The following ANKS1B variants were observed in gnomAD, a reference collection of about 807,000 sequenced individuals.
ANKS1B encodes ankyrin repeat and sterile alpha motif domain-containing protein 1B.
In ANKS1B, 36 loss-of-function variants were observed where a neutral mutation model predicts 148.3. The ratio of observed to expected loss-of-function variants is 0.24; its 90% CI spans 0.19 to 0.32. The LOEUF (loss-of-function observed/expected upper bound fraction) is 0.32, where lower values mean the gene tolerates loss of function less well. Ranked by LOEUF, ANKS1B falls within the 10% of genes least tolerant of loss-of-function variation. ANKS1B has a pLI of 1.00. For missense variants in ANKS1B, 1,157 were observed against 1,542.6 expected (o/e 0.75, Z 4.19); for synonymous variants, 542 against 560.8 (o/e 0.97, Z 0.47).
At chr12:99,905,997 A>G (rs1325950477) in intron 1 of ANKS1B, among the ~76,000 whole-genome samples, 1 of 152,200 alleles carries the variant, frequency 6.6e-6, no homozygotes, top group Admixed American at 6.5e-5. Context: ...AATCTTGAAG[A>G]GGTCATATAG....
At chr12:98,798,840 T>C (rs2098975629) in intron 22 of ANKS1B, 94 bp downstream of exon 22, 6 of 1,035,778 alleles carry the variant, frequency 5.8e-6, no homozygotes, top group Non-Finnish European at 7.1e-6. Flanking sequence ...GACCAACAGA[T>C]GGAGAAAATA....
intron 17 of ANKS1B, among the ~76,000 whole-genome samples, chr12:98,905,859 A>T (rs1050925827): frequency 5.3e-5 from 8 of 152,184 alleles, no homozygotes; most frequent in African/African-American, 1.7e-4. Context: ...AAAAAAAATA[A>T]TGAAAAGAAT....
At chr12:99,912,078 T>G (rs2094021323) in intron 1 of ANKS1B, among the ~76,000 whole-genome samples, 1 of 152,210 alleles carries the variant, frequency 6.6e-6, no homozygotes, top group Non-Finnish European at 1.5e-5. Flanking sequence ...TGCAAGTGAT[T>G]TGGGCTCCAC....
chr12:99,901,263 C>T (rs977401293), intron 1 of ANKS1B, among the ~76,000 whole-genome samples: 2 of 152,180 alleles, frequency 1.3e-5, no homozygotes, highest in Non-Finnish European at 2.9e-5. Flanking sequence ...AATCACAACA[C>T]AGTTCACCCA....
At position 99,782,426 on chromosome 12, in the gene ANKS1B, G is replaced by A. The variant is rs763892681; in HGVS notation, c.670-329C>T. On this transcript the variant is annotated intron_variant, in intron 4 of 26. Transcript: ENST00000683438. Reference sequence around the variant, plus strand: ...ATACAAAAATTAGCCACAGGTGGTGGTATGTGCCTGTAATCCCAGCTACTC... The same window carrying A: ...ATACAAAAATTAGCCACAGGTGGTGATATGTGCCTGTAATCCCAGCTACTC... Among the ~76,000 whole-genome samples the A allele has an allele frequency of 2.0e-3, 311 of 152,166 alleles. 4 individuals are homozygous for A. The highest frequency in any genetic ancestry group is 1.8e-4 in the Non-Finnish European group (12 of 68,042).
chr12:98,851,215 A>G (rs374298190), intron 17 of ANKS1B, among the ~76,000 whole-genome samples: 1 of 152,370 alleles, frequency 6.6e-6, no homozygotes. Context: ...AAAAATGCAC[A>G]GGACATACTT....
In ANKS1B at chr12:99,471,648, G is replaced by GCACACA. The variant is rs3050679; in HGVS notation, c.1439-27845_1439-27840dup. On this transcript the variant is annotated intron_variant, in intron 10 of 26. Transcript: ENST00000683438. ...ATAAAACAACATATCACATATGCGT[G>GCACACA]CACACACACACACACACACACATAC... Among the ~76,000 whole-genome samples, 549 of 149,060 alleles carry GCACACA rather than the reference G, an allele frequency of 3.7e-3. 5 individuals are homozygous for GCACACA. The highest frequency in any genetic ancestry group is 0.011 in the African/African-American group (461 of 40,852).
At chr12:99,760,532 T>C (rs192370723) in intron 8 of ANKS1B, among the ~76,000 whole-genome samples, 10 of 151,970 alleles carry the variant, frequency 6.6e-5, no homozygotes. Flanking sequence ...CCAAAATCTC[T>C]GAGATGCAGC....
In ANKS1B at chr12:98,964,866, T is replaced by C. The variant is rs530425724; in HGVS notation, c.2778+88291A>G. ...AGACAGTGGGGATGGTAAATACGTA[T>C]AAAAATATAGTTAGATATTTAGAAT... On this transcript the variant is annotated intron_variant, in intron 17 of 26. Transcript: ENST00000683438. Among the ~76,000 whole-genome samples, 11 of 152,208 alleles carry C rather than the reference T, an allele frequency of 7.2e-5. No individual in the cohort carries two copies. In the South Asian group the frequency reaches 1.5e-3, roughly 20 times the overall value.
At chr12:99,831,037 T>C (rs2153688739) in intron 1 of ANKS1B, among the ~76,000 whole-genome samples, 1 of 152,296 alleles carries the variant, frequency 6.6e-6, no homozygotes, top group African/African-American at 2.4e-5. Flanking sequence ...CTTATCACCA[T>C]CTGGCATTAT....
intron 4 of ANKS1B, among the ~76,000 whole-genome samples, chr12:99,800,511 G>T (rs2066821362): frequency 6.6e-6 from 1 of 151,438 alleles, no homozygotes; most frequent in Middle Eastern, 3.5e-3. Context: ...TTGGACTATG[G>T]TGTTAATCTT....
At chr12:99,165,704 GA>G (rs59290952) in intron 14 of ANKS1B, among the ~76,000 whole-genome samples, 151,912 of 151,914 alleles carry the variant, frequency 1, 75,955 homozygotes, top group Non-Finnish European at 1. Flanking sequence ...AACATATAGT[GA>G]AAGAAATAAT....
intron 25 of ANKS1B, among the ~76,000 whole-genome samples, chr12:98,767,844 C>T (rs1445908114): frequency 6.6e-6 from 1 of 152,232 alleles, no homozygotes; most frequent in Non-Finnish European, 1.5e-5. Flanking sequence ...GTCTCTCTCT[C>T]TCACCTATAG....
chr12:99,508,842 G>A (rs2096736538), intron 9 of ANKS1B, among the ~76,000 whole-genome samples: 1 of 151,624 alleles, frequency 6.6e-6, no homozygotes, highest in East Asian at 1.9e-4. Flanking sequence ...TTCTAGTACA[G>A]GCATACCTCA....
At chr12:99,777,533 C>A (rs943043594) in intron 6 of ANKS1B, among the ~76,000 whole-genome samples, 3 of 152,124 alleles carry the variant, frequency 2.0e-5, no homozygotes, top group Non-Finnish European at 2.9e-5. Context: ...TTGCTTTTCC[C>A]AAAAGACATA....
rs1407915933 is a variant in ANKS1B at position 98,751,988 on chromosome 12, A to G, written c.3580-466T>C. 1.3e-5 allele frequency among the ~76,000 whole-genome samples: 2 copies of G among 152,238 alleles called. No individual in the cohort carries two copies. The highest frequency in any genetic ancestry group is 1.3e-4 in the Admixed American group (2 of 15,280). On this transcript the variant is annotated intron_variant, in intron 25 of 26. Coordinates refer to ENST00000683438, the MANE Select transcript of ANKS1B (RefSeq NM_001352186.2). The surrounding 1 kb of genome is among the most constrained non-coding windows in gnomAD (Gnocchi z 4.3). ...TTGTTTCCCTAAGCCAGACTAAGGC[A>G]TAAGTGACTATTCCTGTAAATTGTG... is the stretch of plus-strand genomic sequence containing the variant.
chr12:99,105,768 C>CAAAAA (rs11349848), intron 15 of ANKS1B, among the ~76,000 whole-genome samples: 4 of 82,912 alleles, frequency 4.8e-5, no homozygotes, highest in South Asian at 4.2e-4. Flanking sequence ...GACTCTGTCT[C>CAAAAA]AAAAAAAAAA....
rs140607967 is a variant in ANKS1B at position 99,660,652 on chromosome 12, C to T, written c.1129-5442G>A. 4.0e-4 allele frequency among the ~76,000 whole-genome samples: 61 copies of T among 152,232 alleles called. 1 individual carries two copies. Among genetic ancestry groups the T allele is most frequent in the Non-Finnish European group, 7.1e-4 (48 of 68,008 alleles). On this transcript the variant is annotated intron_variant, in intron 8 of 26. Transcript: ENST00000683438. ...TGCTGAGATTACAAGCATGGGCCACCGTGCCTGGCCTAAACTTTCTAAGTA... is the reference window on the plus strand; with the variant it reads ...TGCTGAGATTACAAGCATGGGCCACTGTGCCTGGCCTAAACTTTCTAAGTA...
chr12:99,015,674 G>C (rs11836848), intron 17 of ANKS1B, among the ~76,000 whole-genome samples: 3,151 of 152,132 alleles, frequency 0.021, 110 homozygotes, highest in African/African-American at 0.071. Flanking sequence ...AGACCATCCT[G>C]GCTAACACGA....
Sources: allele counts gnomAD v4.1 joint callset (sites outside exome capture counted in the v4.1 genomes callset), GRCh38; gene constraint gnomAD v4.1.1; non-coding constraint Gnocchi (gnomAD v3.1); transcripts MANE v1.5; gene names NCBI Gene and HGNC (gene_info 2026-07-23, HGNC 2026-07-21).